The following PRKX variants were observed in gnomAD, a reference collection of about 807,000 sequenced individuals.
PRKX encodes the protein protein kinase cAMP-dependent X-linked catalytic subunit, also known as cAMP-dependent protein kinase catalytic subunit PRKX.
Under a neutral mutation model 22.0 loss-of-function variants are expected in PRKX, and 12 were observed. The ratio of observed to expected loss-of-function variants is 0.54; its 90% confidence interval spans 0.35 to 0.88. The LOEUF is 0.88. PRKX is among the 40% of genes least tolerant of loss of function. The pLI is 0.01. For missense variants in PRKX, 217 were observed against 308.0 expected, an observed-to-expected ratio of 0.70 and a Z score of 2.21; for synonymous variants, 134 against 137.7, an observed-to-expected ratio of 0.97 and a Z score of 0.19.
chrX:3,698,396 C>T (rs995771173), intron 1 of PRKX, among the ~76,000 whole-genome samples: 3 of 110,711 alleles, frequency 2.7e-5, no homozygotes, highest in African/African-American at 9.9e-5. Context: ...AGGCTGGTCT[C>T]GAACTCCTGG....
intron 1 of PRKX, among the ~76,000 whole-genome samples, chrX:3,703,562 G>A (rs1414914548): frequency 9.0e-6 from 1 of 111,047 alleles, no homozygotes; most frequent in Non-Finnish European, 1.9e-5. Flanking sequence ...TTCGCTAAAG[G>A]TGTTCAGACA....
At chrX:3,611,222 C>G (rs1384639807) in intron 8 of PRKX, 1 of 112,066 alleles carries the variant, frequency 8.9e-6, no homozygotes, top group Non-Finnish European at 1.9e-5. Context: ...TCTCATTCAC[C>G]ACGTCTTTCA....
intron 2 of PRKX, among the ~76,000 whole-genome samples, chrX:3,668,950 T>C (rs1043319164): frequency 8.9e-6 from 1 of 112,684 alleles, no homozygotes; most frequent in Non-Finnish European, 1.9e-5. Context: ...GGAGACATCT[T>C]TGGCTGTCAC....
At chrX:3,680,736 C>T (rs1318207068) in intron 1 of PRKX, among the ~76,000 whole-genome samples, 5 of 111,944 alleles carry the variant, frequency 4.5e-5, no homozygotes, top group Non-Finnish European at 9.4e-5. Flanking sequence ...AGTGAAGACT[C>T]ACAACTGGCG....
intron 2 of PRKX, among the ~76,000 whole-genome samples, chrX:3,668,504 C>T (rs752587822): frequency 8.9e-6 from 1 of 112,175 alleles, no homozygotes; most frequent in Non-Finnish European, 1.9e-5. Flanking sequence ...ATGGGGACCA[C>T]ACTCAAGTCT....
At chrX:3,650,988 A>T in intron 3 of PRKX, among the ~76,000 whole-genome samples, 1 of 110,382 alleles carries the variant, frequency 9.1e-6, no homozygotes, top group Middle Eastern at 4.7e-3. Flanking sequence ...AGTTTTATTC[A>T]AAAGGCACAG....
chrX:3,641,029 G>A (rs1430006109), intron 4 of PRKX, among the ~76,000 whole-genome samples: 4 of 111,422 alleles, frequency 3.6e-5, no homozygotes, highest in South Asian at 7.6e-4. Flanking sequence ...CCACTTTCCC[G>A]GAAAACTCAC....
chrX:3,652,583 CA>C (rs1211309883), intron 3 of PRKX, among the ~76,000 whole-genome samples: 1 of 103,991 alleles, frequency 9.6e-6, no homozygotes, highest in African/African-American at 3.5e-5. Flanking sequence ...GACTTCGTCC[CA>C]AAAAAAAACA....
intron 1 of PRKX, among the ~76,000 whole-genome samples, chrX:3,689,964 A>T (rs138240737): frequency 1.8e-5 from 2 of 111,209 alleles, no homozygotes; most frequent in Admixed American, 1.9e-4. Flanking sequence ...GTGACAGAGC[A>T]AGACTCTGTC....
In PRKX at chrX:3,655,304, C is replaced by T. The variant is rs1232597701; in HGVS notation, c.444G>A (p.Thr148=). ...TGATCTCTGCAGAGTAGAAGAGCCC[C>T]GTGGTGCTGGAGAAGCGCCCCCGGT... is the stretch of plus-strand genomic sequence containing the variant. ...LRNRGRFSST[T]GLFYSAEIIC... is the part of the protein sequence containing the mutation. The change falls in exon 3 of 9, where the codon ACG becomes ACA. Residue 148 remains threonine, a synonymous_variant. Coordinates refer to ENST00000262848, the MANE Select transcript of PRKX (RefSeq NM_005044.5). 8.3e-6 allele frequency: 10 copies of T among 1,212,018 alleles called. No individual in the cohort carries two copies. The highest frequency in any genetic ancestry group is 1.1e-5 in the Non-Finnish European group (10 of 895,582).
At chrX:3,638,403 G>A (rs1347047560) in intron 4 of PRKX, among the ~76,000 whole-genome samples, 1 of 111,364 alleles carries the variant, frequency 9.0e-6, no homozygotes, top group African/African-American at 3.3e-5. Flanking sequence ...TGGGGCACAC[G>A]AACCTCACTC....
At chrX:3,681,533 T>C (rs1928072631) in intron 1 of PRKX, among the ~76,000 whole-genome samples, 1 of 108,869 alleles carries the variant, frequency 9.2e-6, no homozygotes, top group Non-Finnish European at 1.9e-5. Context: ...CGGGTACCTG[T>C]AATCCCAGCT....
chrX:3,706,052 A>G (rs1849597603), intron 1 of PRKX, among the ~76,000 whole-genome samples: 1 of 108,379 alleles, frequency 9.2e-6, no homozygotes. Context: ...CCTTTTTAAG[A>G]TATATCTCTC....
chrX:3,631,582 A>C lies in PRKX; in HGVS notation c.720-5068T>G, dbSNP rs193145572. 3.3e-3 allele frequency among the ~76,000 whole-genome samples: 374 copies of C among 112,749 alleles called. 1 individual carries two copies. Among genetic ancestry groups the C allele is most frequent in the Non-Finnish European group, 6.2e-3 (332 of 53,333 alleles). On this transcript the variant is annotated intron_variant, in intron 4 of 8. Coordinates refer to ENST00000262848, the MANE Select transcript of PRKX (RefSeq NM_005044.5). ...CGTCCTAATGCCCAGACCTGGAATGAGACCTTATTCAGCAATAGGGTCTTT... is the reference window on the plus strand; with the variant it reads ...CGTCCTAATGCCCAGACCTGGAATGCGACCTTATTCAGCAATAGGGTCTTT...
chrX:3,619,287 G>A (rs932868742), intron 6 of PRKX, among the ~76,000 whole-genome samples: 1 of 111,449 alleles, frequency 9.0e-6, no homozygotes, highest in Admixed American at 9.5e-5. Context: ...ACAAGCCTAG[G>A]GATGCCTGGA....
At position 3,618,125 on chromosome X, in the gene PRKX, C is replaced by G. The variant is rs186905527; in HGVS notation, c.874-2233G>C. Among the ~76,000 whole-genome samples the G allele has an allele frequency of 3.7e-4, 40 of 107,722 alleles. No homozygotes were observed. In the East Asian group the frequency reaches 0.01, roughly 27 times the overall value. 93.5% of individuals were successfully genotyped at this position (107,722 alleles called of 115,157 possible). A position where few individuals can be genotyped will look rare whatever the true frequency, so the allele number is the denominator to read the frequency against. On this transcript the variant is annotated intron_variant, in intron 6 of 8. Coordinates refer to ENST00000262848, the MANE Select transcript of PRKX (RefSeq NM_005044.5). ...CAGATAGACAAATACAGTCTGACCT[C>G]ACTTACATGGGAAATCTAAAAAAGT...
At chrX:3,699,713 TC>T (rs1025073879) in intron 1 of PRKX, among the ~76,000 whole-genome samples, 2 of 112,331 alleles carry the variant, frequency 1.8e-5, no homozygotes, top group African/African-American at 6.5e-5. Context: ...TTGCCCACCA[TC>T]CCACAACTTC....
At chrX:3,633,120 T>C (rs1046849396) in intron 4 of PRKX, among the ~76,000 whole-genome samples, 3 of 110,128 alleles carry the variant, frequency 2.7e-5, no homozygotes, top group Non-Finnish European at 5.7e-5. Context: ...GCCTCTGCGG[T>C]CCCCAGCTAC....
At chrX:3,643,042 T>G (rs1569048051) in intron 3 of PRKX, among the ~76,000 whole-genome samples, 3 of 95,706 alleles carry the variant, frequency 3.1e-5, no homozygotes, top group African/African-American at 7.7e-5. Context: ...GTGCAAGAGC[T>G]GGGTTTGTAC....
Sources: gnomAD v4.1 joint callset for allele counts (sites outside exome capture counted in the v4.1 genomes callset) on GRCh38, gnomAD v4.1.1 for gene constraint, MANE v1.5 for transcripts, NCBI Gene and HGNC (gene_info 2026-07-23, HGNC 2026-07-21) for gene names.